The following CACNA2D3 variants were observed in gnomAD, a reference collection of about 807,000 sequenced individuals.
CACNA2D3 encodes the protein voltage-dependent calcium channel subunit alpha-2/delta-3.
CACNA2D3 carries 60 observed loss-of-function variants against 160.6 expected under a neutral mutation model. The ratio of observed to expected loss-of-function variants is 0.37; its 90% CI spans 0.30 to 0.46. The LOEUF (loss-of-function observed/expected upper bound fraction) is 0.46, where lower values mean the gene tolerates loss of function less well. Ranked by LOEUF, CACNA2D3 falls within the 20% of genes least tolerant of loss-of-function variation. The pLI is 1.00. For missense variants in CACNA2D3, 1,205 were observed against 1,365.0 expected, an observed-to-expected ratio of 0.88 and a Z score of 1.85; for synonymous variants, 558 against 492.9, an observed-to-expected ratio of 1.13 and a Z score of -1.75.
intron 33 of CACNA2D3, among the ~76,000 whole-genome samples, chr3:55,008,886 T>C (rs1178466121): frequency 8.6e-4 from 46 of 53,350 alleles, no homozygotes; most frequent in African/African-American, 3.1e-3. Context: ...CACCTCCCTC[T>C]ATACACACAC....
At chr3:54,609,462 G>A (rs1348483349) in intron 9 of CACNA2D3, among the ~76,000 whole-genome samples, 5 of 152,206 alleles carry the variant, frequency 3.3e-5, no homozygotes, top group Non-Finnish European at 7.3e-5. Context: ...CAAGTGACAA[G>A]GATGGCTGTG....
chr3:54,321,301 C>G (rs1198985974), intron 3 of CACNA2D3, among the ~76,000 whole-genome samples: 1 of 147,714 alleles, frequency 6.8e-6, no homozygotes, highest in Non-Finnish European at 1.5e-5. Context: ...GCCTGGGTGA[C>G]AGCGTGAGAC....
rs185750053 is a variant in CACNA2D3, at chr3:54,505,549, G to A, written c.544+1895G>A. On this transcript the variant is annotated intron_variant, in intron 5 of 37. Transcript: ENST00000474759. ...GCTCAGCTTCATTTAGTGGAGTTTA[G>A]TTCTCTAGAATGATCCTGTCAGCAG... 3.3e-5 allele frequency among the ~76,000 whole-genome samples: 5 copies of A among 152,250 alleles called. No homozygotes were observed. The East Asian group carries it at 5.8e-4, about 18-fold the overall frequency.
chr3:54,975,197 C>CA (rs992290769), intron 29 of CACNA2D3, among the ~76,000 whole-genome samples: 5 of 152,052 alleles, frequency 3.3e-5, no homozygotes, highest in African/African-American at 1.2e-4. Flanking sequence ...TTAATGTTTA[C>CA]AGTTAGACAA....
intron 11 of CACNA2D3, among the ~76,000 whole-genome samples, chr3:54,643,787 G>C (rs1420226275): frequency 6.6e-6 from 1 of 152,332 alleles, no homozygotes; most frequent in East Asian, 1.9e-4. Flanking sequence ...CTAATGCACA[G>C]CCCTGCCAGG....
chr3:55,061,955 T>C (rs969259468), intron 35 of CACNA2D3, among the ~76,000 whole-genome samples: 3 of 152,188 alleles, frequency 2.0e-5, no homozygotes, highest in Non-Finnish European at 2.9e-5. Flanking sequence ...GAAACTTCTA[T>C]AGAAGGTCAG....
chr3:55,025,699 G>A (rs956385243), intron 35 of CACNA2D3, among the ~76,000 whole-genome samples: 2 of 148,822 alleles, frequency 1.3e-5, no homozygotes, highest in East Asian at 4.0e-4. Flanking sequence ...GTCATGGCTA[G>A]TCTGTTTTAG....
At chr3:54,187,152 G>T (rs1700892644) in intron 2 of CACNA2D3, among the ~76,000 whole-genome samples, 1 of 152,220 alleles carries the variant, frequency 6.6e-6, no homozygotes, top group Non-Finnish European at 1.5e-5. Context: ...TGATGCCATT[G>T]CTGATGAACG....
At chr3:54,448,660 A>G (rs949200345) in intron 4 of CACNA2D3, among the ~76,000 whole-genome samples, 1 of 152,102 alleles carries the variant, frequency 6.6e-6, no homozygotes, top group Non-Finnish European at 1.5e-5. Flanking sequence ...TTAGTGTCCT[A>G]TTGTCTCCAC....
intron 31 of CACNA2D3, among the ~76,000 whole-genome samples, chr3:55,001,928 G>A (rs560168347): frequency 6.6e-6 from 1 of 152,288 alleles, no homozygotes; most frequent in East Asian, 1.9e-4. Flanking sequence ...GGAGGCTGAG[G>A]CAGGTGGATC....
At chr3:55,040,909 C>A (rs894416171) in intron 35 of CACNA2D3, among the ~76,000 whole-genome samples, 1 of 152,138 alleles carries the variant, frequency 6.6e-6, no homozygotes, top group African/African-American at 2.4e-5. Flanking sequence ...TTCTCTCTCT[C>A]CTAATAGGTA....
At chr3:54,680,407 T>A (rs1700320142) in intron 11 of CACNA2D3, among the ~76,000 whole-genome samples, 1 of 152,194 alleles carries the variant, frequency 6.6e-6, no homozygotes, top group South Asian at 2.1e-4. Flanking sequence ...GAATGGAGTT[T>A]TTATTGAATT....
chr3:54,571,827 A>C (rs1702503825), intron 8 of CACNA2D3, among the ~76,000 whole-genome samples: 1 of 152,106 alleles, frequency 6.6e-6, no homozygotes, highest in Non-Finnish European at 1.5e-5. Flanking sequence ...TCTTGGGCTA[A>C]TTACTTTAGT....
chr3:55,004,881 GTCTT>G, intron 32 of CACNA2D3, 43 bp downstream of exon 32: 1 of 1,350,640 alleles, frequency 7.4e-7, no homozygotes, highest in Non-Finnish European at 1.1e-6. Context: ...ACACATTTCT[GTCTT>G]TCTCCCTGTC....
chr3:54,737,707 C>T (rs929590159), intron 11 of CACNA2D3, among the ~76,000 whole-genome samples: 8 of 152,276 alleles, frequency 5.3e-5, no homozygotes, highest in Middle Eastern at 3.4e-3. Flanking sequence ...CTCTGTCGCC[C>T]AGGGTGGAGT....
intron 11 of CACNA2D3, among the ~76,000 whole-genome samples, chr3:54,688,979 CAAAAAAAAA>C (rs1162900126): frequency 7.6e-4 from 24 of 31,436 alleles, no homozygotes; most frequent in East Asian, 2.8e-3. Context: ...GAGACTGTCT[CAAAAAAAAA>C]AAAAAAAAAA....
intron 14 of CACNA2D3, among the ~76,000 whole-genome samples, chr3:54,821,043 A>T (rs181528290): frequency 5.7e-4 from 87 of 152,288 alleles, no homozygotes; most frequent in African/African-American, 1.9e-3. Flanking sequence ...GTGGCTATTT[A>T]TGTGGATGAA....
At chr3:54,926,357 C>T (rs1051930096) in intron 27 of CACNA2D3, among the ~76,000 whole-genome samples, 1 of 152,138 alleles carries the variant, frequency 6.6e-6, no homozygotes, top group South Asian at 2.1e-4. Flanking sequence ...CCCAAGTTCA[C>T]ACAGAGTATT....
At chr3:54,700,768 C>T (rs536788640) in intron 11 of CACNA2D3, among the ~76,000 whole-genome samples, 2 of 152,224 alleles carry the variant, frequency 1.3e-5, no homozygotes, top group Admixed American at 6.5e-5. Context: ...AAGTGCTTTC[C>T]AGGAGTTGCC....
Sources: gnomAD v4.1 joint callset for allele counts (sites outside exome capture counted in the v4.1 genomes callset) on GRCh38, gnomAD v4.1.1 for gene constraint, MANE v1.5 for transcripts, NCBI Gene and HGNC (gene_info 2026-07-23, HGNC 2026-07-21) for gene names.